Variants in MARK3 observed in about 807,000 individuals in gnomAD.
MARK3 encodes microtubule affinity regulating kinase 3, also known as MAP/microtubule affinity-regulating kinase 3.
A neutral mutation model predicts 90.1 loss-of-function variants in MARK3; 46 were observed. The ratio of observed to expected loss-of-function variants is 0.51; its 90% CI spans 0.40 to 0.65. The LOEUF (loss-of-function observed/expected upper bound fraction) is 0.65, where lower values mean the gene tolerates loss of function less well. Among genes scored for constraint, MARK3 ranks in the 30% least tolerant of loss-of-function variants. The pLI, the probability that MARK3 is intolerant of heterozygous loss-of-function variation, is 0.00. For missense variants in MARK3, 818 were observed against 947.2 expected, an observed-to-expected ratio of 0.86 and a Z score of 1.79; for synonymous variants, 321 against 332.6, an observed-to-expected ratio of 0.97 and a Z score of 0.38.
chr14:103,463,692 G>A (rs1364465344), intron 7 of MARK3, among the ~76,000 whole-genome samples: 3 of 152,088 alleles, frequency 2.0e-5, no homozygotes, highest in African/African-American at 7.2e-5. Context: ...TTTCTTATAT[G>A]TTCTTCTCTG....
At chr14:103,418,219 C>CTT (rs36012703) in intron 2 of MARK3, among the ~76,000 whole-genome samples, 31 of 61,652 alleles carry the variant, frequency 5.0e-4, no homozygotes, top group East Asian at 1.5e-3. Flanking sequence ...ATAGTAAAGG[C>CTT]TTTTTTTTTT....
At chr14:103,497,453 A>G (rs777538517) in intron 15 of MARK3, among the ~76,000 whole-genome samples, 63 of 152,170 alleles carry the variant, frequency 4.1e-4, no homozygotes, top group Non-Finnish European at 7.5e-4. Flanking sequence ...GATCATAAAA[A>G]CCTCATTCGT....
intron 2 of MARK3, among the ~76,000 whole-genome samples, chr14:103,406,597 T>A (rs1040254866): frequency 6.0e-5 from 9 of 150,722 alleles, no homozygotes; most frequent in African/African-American, 1.7e-4. Flanking sequence ...TTTTTTGTTT[T>A]GTTTTTGTTT....
At chr14:103,484,527 TG>T (rs1196540143) in intron 14 of MARK3, among the ~76,000 whole-genome samples, 2 of 152,246 alleles carry the variant, frequency 1.3e-5, no homozygotes, top group African/African-American at 4.8e-5. Flanking sequence ...GTTTCAAAAT[TG>T]TGAAGTGGCT....
At chr14:103,494,205 G>C (rs1258562031) in intron 15 of MARK3, among the ~76,000 whole-genome samples, 1 of 140,576 alleles carries the variant, frequency 7.1e-6, no homozygotes, top group Non-Finnish European at 1.5e-5. Flanking sequence ...CTGCACTCCA[G>C]CCTGGGTGAT....
intron 2 of MARK3, among the ~76,000 whole-genome samples, chr14:103,425,583 A>G (rs1290658950): frequency 6.6e-6 from 1 of 152,170 alleles, no homozygotes; most frequent in Non-Finnish European, 1.5e-5. Flanking sequence ...AGTACTCCTT[A>G]TGTGCCAGTT....
At chr14:103,444,064 T>C (rs1039413895) in intron 3 of MARK3, among the ~76,000 whole-genome samples, 28 of 150,430 alleles carry the variant, frequency 1.9e-4, no homozygotes, top group African/African-American at 5.6e-4. Context: ...CATTTTACTT[T>C]CGTATCGGTT....
intron 3 of MARK3, among the ~76,000 whole-genome samples, chr14:103,446,468 G>A (rs1250409717): frequency 1.3e-5 from 2 of 152,104 alleles, no homozygotes; most frequent in East Asian, 1.9e-4. Context: ...GTTGCAGTGA[G>A]CCGATATTGT....
At chr14:103,417,065 T>TAA (rs919943733) in intron 2 of MARK3, among the ~76,000 whole-genome samples, 3 of 152,174 alleles carry the variant, frequency 2.0e-5, no homozygotes, top group Non-Finnish European at 2.9e-5. Flanking sequence ...ACCAAGGATT[T>TAA]AAAGTGGGAA....
chr14:103,393,492 T>C (rs1271595399), intron 1 of MARK3, among the ~76,000 whole-genome samples: 2 of 152,216 alleles, frequency 1.3e-5, no homozygotes, highest in Non-Finnish European at 2.9e-5. Flanking sequence ...GAAGAATTCA[T>C]GAAAATATTT....
rs894570952 is a variant in MARK3 at position 103,401,023 on chromosome 14, G to A, written c.52-4053G>A. On this transcript the variant is annotated intron_variant, in intron 1 of 17. Coordinates refer to ENST00000429436, the MANE Select transcript of MARK3 (RefSeq NM_001128918.3). Reference sequence around the variant, plus strand: ...TGGCTCCTTAGGAAGAAAAAAATACGTGTATGAAATAATTGATTAACAGTA... The same window carrying A: ...TGGCTCCTTAGGAAGAAAAAAATACATGTATGAAATAATTGATTAACAGTA... 6.7e-4 allele frequency among the ~76,000 whole-genome samples: 95 copies of A among 142,338 alleles called. 1 individual carries two copies. Among genetic ancestry groups the A allele is most frequent in the African/African-American group, 2.3e-3 (89 of 38,646 alleles). 93.4% of individuals were successfully genotyped at this position (142,338 alleles called of 152,430 possible).
chr14:103,496,969 G>T (rs542918262), intron 15 of MARK3, among the ~76,000 whole-genome samples: 1 of 152,226 alleles, frequency 6.6e-6, no homozygotes, highest in African/African-American at 2.4e-5. Context: ...TCAAACCCAG[G>T]AGTTTGAGGT....
At chr14:103,390,820 C>T (rs367853297) in intron 1 of MARK3, among the ~76,000 whole-genome samples, 50 of 152,222 alleles carry the variant, frequency 3.3e-4, no homozygotes, top group African/African-American at 1.1e-3. Context: ...GCAATCCTTC[C>T]GACTCAGCCT....
rs562740654 is a variant in MARK3, at chr14:103,472,834, G to A, written c.1265-2159G>A. Among the ~76,000 whole-genome samples, 19 of 151,776 alleles carry A rather than the reference G, an allele frequency of 1.3e-4. No individual in the cohort carries two copies. In the East Asian group the frequency reaches 2.9e-3, roughly 23 times the overall value. On this transcript the variant is annotated intron_variant, in intron 12 of 17. Transcript: ENST00000429436. ...CATCTGGCCAACATGGTGAAACCCC[G>A]TCTCTACTAAAATTACAAAAAATTA...
At chr14:103,388,211 G>A (rs1365527848) in intron 1 of MARK3, among the ~76,000 whole-genome samples, 1 of 152,224 alleles carries the variant, frequency 6.6e-6, no homozygotes, top group African/African-American at 2.4e-5. Context: ...GATTACAGGC[G>A]TGAGCCACCA....
chr14:103,475,279 C>G, intron 13 of MARK3, 69 bp downstream of exon 13: 1 of 1,294,794 alleles, frequency 7.7e-7, no homozygotes, highest in Non-Finnish European at 1.1e-6. Flanking sequence ...ACCAGGTGTT[C>G]ATTTTACTCC....
chr14:103,385,734 A>G lies in MARK3; in HGVS notation c.-296A>G. 2 of 325,116 alleles carry G rather than the reference A, an allele frequency of 6.2e-6. No individual in the cohort carries two copies. Among genetic ancestry groups the G allele is most frequent in the Non-Finnish European group, 1.1e-5 (2 of 179,850 alleles). 20.1% of individuals were successfully genotyped at this position (325,116 alleles called of 1,614,324 possible). On this transcript the variant is annotated 5_prime_UTR_variant, in exon 1 of 18. Transcript: ENST00000429436. ...CAGGATCGCGGGGCGCCCTGAGGCAAGGGGACGCCGGCGGGCCGAAGCGCA... is the reference window on the plus strand; with the variant it reads ...CAGGATCGCGGGGCGCCCTGAGGCAGGGGGACGCCGGCGGGCCGAAGCGCA...
At chr14:103,392,559 T>C (rs1175065832) in intron 1 of MARK3, among the ~76,000 whole-genome samples, 3 of 152,184 alleles carry the variant, frequency 2.0e-5, no homozygotes, top group Non-Finnish European at 4.4e-5. Flanking sequence ...ACTGCCTTAG[T>C]GTGCAGTGAA....
At chr14:103,472,445 C>T (rs1450881160) in intron 12 of MARK3, among the ~76,000 whole-genome samples, 1 of 151,702 alleles carries the variant, frequency 6.6e-6, no homozygotes, top group African/African-American at 2.4e-5. Flanking sequence ...AGATCGAGAA[C>T]ATCCTGGCTA....
Sources: allele counts gnomAD v4.1 joint callset (sites outside exome capture counted in the v4.1 genomes callset), GRCh38; gene constraint gnomAD v4.1.1; transcripts MANE v1.5; gene names NCBI Gene and HGNC (gene_info 2026-07-23, HGNC 2026-07-21).